KPNA5: variants seen among roughly 807,000 people sequenced by gnomAD.
The protein encoded by KPNA5 is importin subunit alpha-6.
A neutral mutation model predicts 71.3 loss-of-function variants in KPNA5; 46 were observed. That is an observed-to-expected ratio of 0.65 (90% confidence interval 0.51 to 0.83). The LOEUF is 0.83. Among genes scored for constraint, KPNA5 ranks in the 40% least tolerant of loss-of-function variants. The pLI, the probability that KPNA5 is intolerant of heterozygous loss-of-function variation, is 0.00. For missense variants in KPNA5, 547 were observed against 628.3 expected, an observed-to-expected ratio of 0.87 and a Z score of 1.38; for synonymous variants, 207 against 201.4, an observed-to-expected ratio of 1.03 and a Z score of -0.24.
intron 6 of KPNA5, among the ~76,000 whole-genome samples, chr6:116,704,399 A>G (rs1778354428): frequency 1.3e-5 from 2 of 152,226 alleles, no homozygotes; most frequent in African/African-American, 4.8e-5. Flanking sequence ...CAAAAGGTAC[A>G]GTAAAGATAA....
Position 116,737,423 on chromosome 6 carries a change from G to A in KPNA5, c.*5100G>A, listed in dbSNP as rs1303323216. 6.6e-6 allele frequency: 1 copy of A among 151,996 alleles called. No individual in the cohort carries two copies. The highest frequency in any genetic ancestry group is 1.9e-4 in the East Asian group (1 of 5,196). The allele number at this position is 151,996 out of a possible 1,614,324, so 9.4% of individuals were successfully genotyped here. ...GGGAATCCTCTGCAGATAATCTGGA[G>A]CAATCTGTGTAGTTTTGTCACATTT... is the stretch of plus-strand genomic sequence containing the variant. On this transcript the variant is annotated 3_prime_UTR_variant, in exon 14 of 14. Transcript: ENST00000368564.
intron 9 of KPNA5, among the ~76,000 whole-genome samples, chr6:116,723,987 A>G (rs1345969654): frequency 6.6e-6 from 1 of 152,152 alleles, no homozygotes. Flanking sequence ...CCCCCAGCCA[A>G]AGTATATAAC....
At position 116,735,797 on chromosome 6, in the gene KPNA5, G is replaced by A. The variant is rs774165868; in HGVS notation, c.*3474G>A. ...AAAATAGCTAATCCAAAACTAGACAGAAAAAGAGAAAAAACAAATGAAGAT... is the reference window on the plus strand; with the variant it reads ...AAAATAGCTAATCCAAAACTAGACAAAAAAAGAGAAAAAACAAATGAAGAT... On this transcript the variant is annotated 3_prime_UTR_variant, in exon 14 of 14. Coordinates refer to ENST00000368564, the MANE Select transcript of KPNA5 (RefSeq NM_001366306.2). 27 of 151,544 alleles carry A rather than the reference G, an allele frequency of 1.8e-4. No homozygotes were observed. Among genetic ancestry groups the A allele is most frequent in the Non-Finnish European group, 3.3e-4 (22 of 67,660 alleles). 9.4% of individuals were successfully genotyped at this position (151,544 alleles called of 1,614,324 possible).
intron 2 of KPNA5, among the ~76,000 whole-genome samples, chr6:116,690,791 C>T (rs1177095645): frequency 6.6e-6 from 1 of 152,110 alleles, no homozygotes; most frequent in Non-Finnish European, 1.5e-5. Flanking sequence ...CACTGATGCT[C>T]AGGTCCTTTA....
At position 116,732,140 on chromosome 6, in the gene KPNA5, G is replaced by A. The variant is rs776500085; in HGVS notation, c.1437G>A (p.Leu479=). ...YCALIEEAYG[L]DKIEFLQSHE... The stretch of plus-strand genomic sequence containing the variant: ...TATATATACTTTGTATAACAGGTCT[G>A]GATAAAATTGAGTTTTTGCAAAGCC... The change falls in exon 14 of 14, where the codon CTG becomes CTA. Residue 479 remains leucine (L), a synonymous_variant. Transcript: ENST00000368564. The A allele has an allele frequency of 3.4e-5, 43 of 1,259,278 alleles. No individual in the cohort carries two copies. Among genetic ancestry groups the A allele is most frequent in the Non-Finnish European group, 4.4e-5 (41 of 926,312 alleles). The allele number at this position is 1,259,278 out of a possible 1,614,324, so 78.0% of individuals were successfully genotyped here.
At chr6:116,718,178 C>T (rs1474900299) in intron 8 of KPNA5, among the ~76,000 whole-genome samples, 1 of 152,026 alleles carries the variant, frequency 6.6e-6, no homozygotes, top group Non-Finnish European at 1.5e-5. Context: ...CATGAGTATA[C>T]CTGACCTTCT....
At chr6:116,708,974 C>T (rs921824490) in intron 7 of KPNA5, among the ~76,000 whole-genome samples, 12 of 151,886 alleles carry the variant, frequency 7.9e-5, no homozygotes, top group East Asian at 3.9e-4. Context: ...TTAGTAGAGA[C>T]GGAGTTTCAC....
At position 116,700,624 on chromosome 6, in the gene KPNA5, G is replaced by T. The variant is rs553803225; in HGVS notation, c.436-1395G>T. 3.9e-5 allele frequency among the ~76,000 whole-genome samples: 6 copies of T among 152,134 alleles called. No homozygotes were observed. The South Asian group carries it at 1.2e-3, about 32-fold the overall frequency. On this transcript the variant is annotated intron_variant, in intron 5 of 13. Transcript: ENST00000368564. ...TGAAATATGTTAGTTAATATGATTG[G>T]TCCATCTAACAGGCCTTAAATTGGG...
At position 116,692,326 on chromosome 6, in the gene KPNA5, A is replaced by AT. The variant is rs780214343; in HGVS notation, c.280dup (p.Ser94PhefsTer2). 6.2e-7 allele frequency: 1 copy of AT among 1,604,526 alleles called. No homozygotes were observed. The highest frequency in any genetic ancestry group is 8.5e-7 in the Non-Finnish European group (1 of 1,176,968). On this transcript the variant is annotated frameshift_variant, in exon 4 of 14. Transcript: ENST00000368564. LOFTEE classifies it high-confidence loss of function. ...TGTTACTACAGATATGGTTCAGATG[A>AT]TTTTTTCTAATAATGCTGATCAACA...
intron 7 of KPNA5, among the ~76,000 whole-genome samples, chr6:116,710,606 G>C (rs1476031743): frequency 6.6e-6 from 1 of 151,838 alleles, no homozygotes; most frequent in Non-Finnish European, 1.5e-5. Flanking sequence ...ATTCATTAAT[G>C]TTTGGTAGAA....
At chr6:116,696,788 A>C (rs1040580355) in intron 4 of KPNA5, among the ~76,000 whole-genome samples, 1 of 152,134 alleles carries the variant, frequency 6.6e-6, no homozygotes, top group Non-Finnish European at 1.5e-5. Flanking sequence ...GTAGACTATC[A>C]TCCTGTCAAT....
At chr6:116,720,765 GC>G (rs1171352936) in intron 8 of KPNA5, among the ~76,000 whole-genome samples, 1 of 152,096 alleles carries the variant, frequency 6.6e-6, no homozygotes, top group African/African-American at 2.4e-5. Flanking sequence ...GATTGCTTGA[GC>G]CCAGGAAGCA....
chr6:116,731,965 G>A (rs1024219279), intron 13 of KPNA5, among the ~76,000 whole-genome samples, 171 bp from the exon 14 acceptor site: 2 of 150,564 alleles, frequency 1.3e-5, no homozygotes, highest in Non-Finnish European at 3.0e-5. Flanking sequence ...GATGGCTATC[G>A]GTATGTGCAA....
intron 10 of KPNA5, among the ~76,000 whole-genome samples, chr6:116,724,807 G>T (rs1309093533): frequency 6.6e-6 from 1 of 151,982 alleles, no homozygotes; most frequent in Non-Finnish European, 1.5e-5. Flanking sequence ...TAGGGACAGG[G>T]TCTTGCTATG....
rs576398413 is a variant in KPNA5, at chr6:116,736,041, C to T, written c.*3718C>T. On this transcript the variant is annotated 3_prime_UTR_variant, in exon 14 of 14. Transcript: ENST00000368564. ...CAAATCAAAAGTAAGTTGGGGTGGC[C>T]ATATAATGCATATCAAGGTGCATTT... is the stretch of plus-strand genomic sequence containing the variant. 2 of 151,784 alleles carry T rather than the reference C, an allele frequency of 1.3e-5. No homozygotes were observed. Among genetic ancestry groups the T allele is most frequent in the East Asian group, 1.9e-4 (1 of 5,176 alleles). 9.4% of individuals were successfully genotyped at this position (151,784 alleles called of 1,614,324 possible).
At chr6:116,689,025 T>G (rs777287427) in intron 1 of KPNA5, among the ~76,000 whole-genome samples, 11 of 152,140 alleles carry the variant, frequency 7.2e-5, no homozygotes, top group Non-Finnish European at 1.3e-4. Flanking sequence ...TAAAACACTG[T>G]GGGGGCTAGG....
At chr6:116,691,439 A>G (rs1310045311) in intron 2 of KPNA5, among the ~76,000 whole-genome samples, 1 of 151,832 alleles carries the variant, frequency 6.6e-6, no homozygotes, top group Non-Finnish European at 1.5e-5. Context: ...TATTGTTATT[A>G]TTATTTTTGA....
rs1380592076 is a variant in KPNA5 at position 116,721,373 on chromosome 6, G to A, written c.757-753G>A. 2.6e-5 allele frequency among the ~76,000 whole-genome samples: 4 copies of A among 151,630 alleles called. No homozygotes were observed. In the East Asian group the frequency reaches 7.8e-4, roughly 29 times the overall value. On this transcript the variant is annotated intron_variant, in intron 8 of 13. Transcript: ENST00000368564. The stretch of plus-strand genomic sequence containing the variant: ...TCTCCATGTTGGTCAGGCTGGTCTC[G>A]AACTCCTGACCTCAAGTTATCTACC...
intron 4 of KPNA5, among the ~76,000 whole-genome samples, chr6:116,694,976 A>T (rs994489593): frequency 6.6e-6 from 1 of 151,970 alleles, no homozygotes; most frequent in Non-Finnish European, 1.5e-5. Context: ...TTGAGACAAC[A>T]TCTCACTCCC....
Sources: gnomAD v4.1 joint callset for allele counts (sites outside exome capture counted in the v4.1 genomes callset) on GRCh38, gnomAD v4.1.1 for gene constraint, MANE v1.5 for transcripts, NCBI Gene and HGNC (gene_info 2026-07-23, HGNC 2026-07-21) for gene names.